The following PLAC8 variants were observed in gnomAD, a reference collection of about 807,000 sequenced individuals.
PLAC8 encodes the protein placenta associated 8.
A neutral mutation model predicts 12.6 loss-of-function variants in PLAC8; 6 were observed. The observed-to-expected ratio is 0.48, with a 90% confidence interval of 0.26 to 0.94. The LOEUF (loss-of-function observed/expected upper bound fraction) is 0.94, where lower values mean the gene tolerates loss of function less well. PLAC8 is among the 40% of genes least tolerant of loss of function. The probability of loss-of-function intolerance (pLI) is 0.14; values close to 1 mark genes in which losing one functional copy is unlikely to be tolerated. For synonymous variants in PLAC8, 54 were observed against 52.6 expected, an observed-to-expected ratio of 1.03 and a Z score of -0.11; for missense variants, 122 against 152.7, an observed-to-expected ratio of 0.80 and a Z score of 1.06.
intron 3 of PLAC8, among the ~76,000 whole-genome samples, chr4:83,103,912 C>T (rs1022247750): frequency 6.6e-6 from 1 of 152,148 alleles, no homozygotes; most frequent in Admixed American, 6.6e-5. Context: ...AAGTGATCAG[C>T]CCTCCTGGGC....
intron 3 of PLAC8, among the ~76,000 whole-genome samples, chr4:83,104,116 A>T (rs867392653): frequency 6.6e-6 from 1 of 152,240 alleles, no homozygotes; most frequent in African/African-American, 2.4e-5. Context: ...GATTATTATT[A>T]GTATTTTTTA....
rs1199312209 is a variant in PLAC8 at position 83,111,343 on chromosome 4, CA to C, written c.-30+3322del. On this transcript the variant is annotated intron_variant, in intron 1 of 4. Transcript: ENST00000311507. ...AAATATCCTTTTCAGAAACAAAAAG[CA>C]AATCCAGTGACTAGAAAAAAAATTT... Among the ~76,000 whole-genome samples, 7 of 151,970 alleles carry C rather than the reference CA, an allele frequency of 4.6e-5. No homozygotes were observed. The East Asian group carries it at 1.4e-3, about 29-fold the overall frequency.
At chr4:83,094,640 A>G in intron 4 of PLAC8, 38 bp downstream of exon 4, 1 of 1,062,368 alleles carries the variant, frequency 9.4e-7, no homozygotes, top group South Asian at 1.4e-5. Flanking sequence ...ATTTCTAAAA[A>G]CCCACATGTT....
rs943184423 is a variant in PLAC8 at position 83,094,692 on chromosome 4, A to G, written c.343T>C (p.Phe115Leu). The G allele has an allele frequency of 5.0e-6, 8 of 1,593,632 alleles. No homozygotes were observed. Among genetic ancestry groups the G allele is most frequent in the Non-Finnish European group, 6.8e-6 (8 of 1,168,696 alleles). The change falls in exon 4 of 5, where the codon TTC becomes CTC. Residue 115 changes from phenylalanine to leucine, a missense_variant. Transcript: ENST00000311507. Reference protein sequence around the residue: ...DINRRRAMRTF With the variant: ...DINRRRAMRTL ...CATTGACTCACCATCAGTTTTTAGA[A>G]AGTACGCATGGCTCTCCTTCTGTTG...
chr4:83,098,594 T>G (rs188561491), intron 3 of PLAC8, among the ~76,000 whole-genome samples: 246 of 152,264 alleles, frequency 1.6e-3, no homozygotes, highest in Non-Finnish European at 2.7e-3. Flanking sequence ...TGTTAAAAGA[T>G]AATGAAAGAG....
chr4:83,110,521 C>T (rs1047034013), intron 1 of PLAC8, among the ~76,000 whole-genome samples: 1 of 152,216 alleles, frequency 6.6e-6, no homozygotes, highest in Non-Finnish European at 1.5e-5. Context: ...GCCAAGTTCA[C>T]TGAGGTGTCT....
chr4:83,098,152 G>T (rs557510341), intron 3 of PLAC8, among the ~76,000 whole-genome samples: 1 of 152,074 alleles, frequency 6.6e-6, no homozygotes, highest in Non-Finnish European at 1.5e-5. Flanking sequence ...CCACCGCGCC[G>T]GGCCTGAGGG....
Position 83,112,188 on chromosome 4 carries a change from TTATATATATATATATG to T in PLAC8, c.-30+2462_-30+2477del, listed in dbSNP as rs1256075630. The stretch of plus-strand genomic sequence containing the variant: ...GACTCCGTCTCAAAAAAAAAAAAAT[TTATATATATATATATG>T]TATATATATATATGTATATATATAT... On this transcript the variant is annotated intron_variant, in intron 1 of 4. Transcript: ENST00000311507. Among the ~76,000 whole-genome samples the T allele has an allele frequency of 1.9e-3, 184 of 96,490 alleles. 2 individuals are homozygous for T. Among genetic ancestry groups the T allele is most frequent in the African/African-American group, 7.8e-3 (159 of 20,326 alleles). 63.3% of individuals were successfully genotyped at this position (96,490 alleles called of 152,430 possible). A position where few individuals can be genotyped will look rare whatever the true frequency, so the allele number is the denominator to read the frequency against.
chr4:83,103,877 A>G (rs770360112), intron 3 of PLAC8, among the ~76,000 whole-genome samples: 13 of 152,152 alleles, frequency 8.5e-5, no homozygotes, highest in South Asian at 4.1e-4. Context: ...CATGTTGGCC[A>G]GGCTGGTCTT....
At chr4:83,094,388 C>G in intron 4 of PLAC8, 1 of 243,232 alleles carries the variant, frequency 4.1e-6, no homozygotes, top group Non-Finnish European at 7.9e-6. Context: ...TTGTATCTCA[C>G]CATACTCTGG....
intron 2 of PLAC8, among the ~76,000 whole-genome samples, chr4:83,106,015 C>CTTAT (rs1475628881): frequency 2.0e-5 from 3 of 151,512 alleles, no homozygotes; most frequent in South Asian, 2.1e-4. Flanking sequence ...ATTTTATTTA[C>CTTAT]TTATTTATTT....
intron 2 of PLAC8, among the ~76,000 whole-genome samples, chr4:83,107,314 CTA>C (rs2126143304): frequency 6.6e-6 from 1 of 151,614 alleles, no homozygotes; most frequent in East Asian, 1.9e-4. Context: ...TGTAAAAAAC[CTA>C]AATATATACA....
chr4:83,103,681 T>C (rs915075768), intron 3 of PLAC8, among the ~76,000 whole-genome samples: 1 of 151,810 alleles, frequency 6.6e-6, no homozygotes, highest in Admixed American at 6.6e-5. Flanking sequence ...TTTTGTTTTG[T>C]TTTGTTTGAG....
At chr4:83,107,206 CA>C (rs70946971) in intron 2 of PLAC8, among the ~76,000 whole-genome samples, 1 of 100,230 alleles carries the variant, frequency 1.0e-5, no homozygotes, top group African/African-American at 4.1e-5. Flanking sequence ...GTCTCAAAAA[CA>C]AACAAAAAAA....
Position 83,107,798 on chromosome 4 carries a change from A to C in PLAC8, c.118+6T>G. On this transcript the variant is annotated splice_donor_region_variant and intron_variant, in intron 2 of 4. Transcript: ENST00000311507. ...AAATAAGGGGGTTCTTTCCCCACAC[A>C]CTTACAGACTCCGCAGTCGCTGAAA... 1 of 1,579,334 alleles carries C rather than the reference A, an allele frequency of 6.3e-7. No individual in the cohort carries two copies. The highest frequency in any genetic ancestry group is 8.7e-7 in the Non-Finnish European group (1 of 1,152,310).
Position 83,104,984 on chromosome 4 carries a change from C to T in PLAC8, c.155G>A (p.Cys52Tyr). 1 of 1,614,170 alleles carries T rather than the reference C, an allele frequency of 6.2e-7. No homozygotes were observed. Among genetic ancestry groups the T allele is most frequent in the Non-Finnish European group, 8.5e-7 (1 of 1,180,030 alleles). ...CGTFCFPCLG[C>Y]QVAADMNECC... is the part of the protein sequence containing the mutation. ...TTCATTCATATCAGCTGCAACTTGA[C>T]ACCCAAGGCACGGGAAACAAAATGT... Residue 52 changes from cysteine (C) to tyrosine (Y), a missense_variant, in exon 3 of 5, where the codon TGT becomes TAT. Transcript: ENST00000311507.
intron 1 of PLAC8, among the ~76,000 whole-genome samples, chr4:83,112,892 A>G (rs1373340450): frequency 6.6e-6 from 1 of 152,226 alleles, no homozygotes; most frequent in Non-Finnish European, 1.5e-5. Flanking sequence ...GTGGAGAGAA[A>G]ACGTCCTTGA....
intron 3 of PLAC8, among the ~76,000 whole-genome samples, chr4:83,103,883 G>T (rs190102845): frequency 6.6e-6 from 1 of 152,150 alleles, no homozygotes; most frequent in South Asian, 2.1e-4. Context: ...GGCCAGGCTG[G>T]TCTTTAACTC....
chr4:83,113,285 C>T (rs558514497), intron 1 of PLAC8, among the ~76,000 whole-genome samples: 12 of 152,142 alleles, frequency 7.9e-5, no homozygotes, highest in Non-Finnish European at 1.3e-4. Context: ...TTCCTCCATG[C>T]GATGAAGCCC....
Sources: allele counts gnomAD v4.1 joint callset (sites outside exome capture counted in the v4.1 genomes callset), GRCh38; gene constraint gnomAD v4.1.1; transcripts MANE v1.5; gene names NCBI Gene and HGNC (gene_info 2026-07-23, HGNC 2026-07-21).